CACNA2D2: variants seen among roughly 807,000 people sequenced by gnomAD.
CACNA2D2 encodes the protein voltage-dependent calcium channel subunit alpha-2/delta-2.
CACNA2D2 carries 48 observed loss-of-function variants against 166.4 expected under a neutral mutation model. The ratio of observed to expected loss-of-function variants is 0.29; its 90% CI spans 0.23 to 0.37. The LOEUF is 0.37. CACNA2D2 is among the 10% of genes least tolerant of loss of function. CACNA2D2 has a pLI of 1.00. For missense variants in CACNA2D2, 1,122 were observed against 1,433.0 expected, an observed-to-expected ratio of 0.78 and a Z score of 3.50; for synonymous variants, 561 against 573.7, an observed-to-expected ratio of 0.98 and a Z score of 0.32.
In CACNA2D2 at chr3:50,380,907, AC is replaced by A; in HGVS notation, c.784+87del. 13 of 1,571,300 alleles carry A rather than the reference AC, an allele frequency of 8.3e-6. No individual in the cohort carries two copies. Among genetic ancestry groups the A allele is most frequent in the Non-Finnish European group, 1.1e-5 (13 of 1,154,596 alleles). On this transcript the variant is annotated intron_variant, in intron 7 of 37. Transcript: ENST00000424201. This position sits in a 1 kb window ranked among gnomAD's most constrained non-coding sequence, Gnocchi z 4.9. Reference sequence around the variant, plus strand: ...GGCTGCCACAGACTACAGAGAAGCCACCCCGCCCCATGCCCCCAGGATGGGT... The same window carrying A: ...GGCTGCCACAGACTACAGAGAAGCCACCCGCCCCATGCCCCCAGGATGGGT...
intron 2 of CACNA2D2, among the ~76,000 whole-genome samples, chr3:50,475,223 C>A (rs1316854745): frequency 2.0e-5 from 3 of 152,188 alleles, no homozygotes; most frequent in Admixed American, 2.0e-4. Context: ...CCCTGACCAA[C>A]AGGGACAACA....
At chr3:50,435,842 G>A (rs1220036461) in intron 2 of CACNA2D2, among the ~76,000 whole-genome samples, 4 of 152,232 alleles carry the variant, frequency 2.6e-5, no homozygotes, top group East Asian at 3.9e-4. Context: ...GCTCCTTCCC[G>A]CAGAGTAGTG....
intron 3 of CACNA2D2, among the ~76,000 whole-genome samples, chr3:50,404,801 C>T (rs1706617932): frequency 6.6e-6 from 1 of 152,212 alleles, no homozygotes; most frequent in African/African-American, 2.4e-5. Context: ...GTCCACCTAA[C>T]TTCTTCCCAC....
At chr3:50,464,522 G>A (rs141960668) in intron 2 of CACNA2D2, among the ~76,000 whole-genome samples, 350 of 152,274 alleles carry the variant, frequency 2.3e-3, no homozygotes, top group Non-Finnish European at 3.9e-3. Context: ...AGCCTCCTGG[G>A]AAACCCTGTC....
chr3:50,414,039 C>T (rs1707156667), intron 3 of CACNA2D2, among the ~76,000 whole-genome samples: 1 of 151,924 alleles, frequency 6.6e-6, no homozygotes, highest in Non-Finnish European at 1.5e-5. Flanking sequence ...TGCCCTCTGG[C>T]CATCTGTCTT....
chr3:50,432,101 ATAG>A (rs1173502655), intron 3 of CACNA2D2, among the ~76,000 whole-genome samples: 2 of 152,106 alleles, frequency 1.3e-5, no homozygotes, highest in African/African-American at 4.8e-5. Flanking sequence ...TCTCCCTCAC[ATAG>A]CAGAGTCCAG....
intron 1 of CACNA2D2, among the ~76,000 whole-genome samples, chr3:50,482,205 G>A (rs1040176536): frequency 2.0e-5 from 3 of 152,176 alleles, no homozygotes; most frequent in Admixed American, 1.3e-4. Context: ...CTGAAGCAGG[G>A]CTTGGAACAA....
At chr3:50,418,868 T>A (rs570768306) in intron 3 of CACNA2D2, among the ~76,000 whole-genome samples, 2 of 152,320 alleles carry the variant, frequency 1.3e-5, no homozygotes, top group African/African-American at 4.8e-5. Flanking sequence ...CCTGAGCCTT[T>A]GCGGGTATGG....
intron 1 of CACNA2D2, among the ~76,000 whole-genome samples, chr3:50,495,067 G>A (rs1698669187): frequency 6.6e-6 from 1 of 152,230 alleles, no homozygotes; most frequent in Non-Finnish European, 1.5e-5. Flanking sequence ...TGAGCATTAG[G>A]GATGAGGGCT....
chr3:50,469,425 C>T (rs1709971691), intron 2 of CACNA2D2, among the ~76,000 whole-genome samples: 1 of 152,020 alleles, frequency 6.6e-6, no homozygotes, highest in Non-Finnish European at 1.5e-5. Context: ...GATGAAGGGA[C>T]CAGTTTCTAA....
At chr3:50,456,653 G>A (rs989925883) in intron 2 of CACNA2D2, among the ~76,000 whole-genome samples, 2 of 152,136 alleles carry the variant, frequency 1.3e-5, no homozygotes, top group Admixed American at 6.5e-5. Context: ...CACACACTCT[G>A]CCCTTTCTCA....
intron 2 of CACNA2D2, among the ~76,000 whole-genome samples, chr3:50,474,176 C>A (rs57437470): frequency 6.6e-6 from 1 of 152,188 alleles, no homozygotes; most frequent in South Asian, 2.1e-4. Context: ...ACCTTGGTGA[C>A]TGCTGGGAGG....
intron 2 of CACNA2D2, among the ~76,000 whole-genome samples, chr3:50,472,465 C>A (rs1015043357): frequency 2.0e-5 from 3 of 152,162 alleles, no homozygotes; most frequent in Non-Finnish European, 1.5e-5. Context: ...TCTGGCCAGG[C>A]AGCTCTAGCC....
Position 50,370,408 on chromosome 3 carries a change from C to T in CACNA2D2, c.1985-28G>A, listed in dbSNP as rs587743479. The T allele has an allele frequency of 4.5e-5, 31 of 690,234 alleles. No individual in the cohort carries two copies. In the Admixed American group the frequency reaches 1.1e-3, roughly 23 times the overall value. The allele number at this position is 690,234 out of a possible 1,614,324, so 42.8% of individuals were successfully genotyped here. A position where few individuals can be genotyped will look rare whatever the true frequency, so the allele number is the denominator to read the frequency against. Reference sequence around the variant, plus strand: ...GCAACAGAAACGGGGGGTTATCCGGCGGGGGCTGGGGAGGCTGGAGGCCGG... The same window carrying T: ...GCAACAGAAACGGGGGGTTATCCGGTGGGGGCTGGGGAGGCTGGAGGCCGG... On this transcript the variant is annotated intron_variant, in intron 22 of 37. Coordinates refer to ENST00000424201, the MANE Select transcript of CACNA2D2 (RefSeq NM_006030.4).
In CACNA2D2 at chr3:50,503,464, T is replaced by TGGCGGCGGC. The variant is rs530076217; in HGVS notation, c.-50_-42dup. ...GCGGCGCCGCGGGGAGGGGGGGCAG[T>TGGCGGCGGC]GGCGGCGGCGGCGGCGGCGGCGGGG... On this transcript the variant is annotated 5_prime_UTR_variant, in exon 1 of 38. Coordinates refer to ENST00000424201, the MANE Select transcript of CACNA2D2 (RefSeq NM_006030.4). The TGGCGGCGGC allele has an allele frequency of 9.5e-4, 71 of 74,350 alleles. No homozygotes were observed. The highest frequency in any genetic ancestry group is 3.5e-3 in the African/African-American group (61 of 17,606). 4.6% of individuals were successfully genotyped at this position (74,350 alleles called of 1,614,324 possible).
At position 50,366,417 on chromosome 3, in the gene CACNA2D2, G is replaced by T; in HGVS notation, c.2638-79C>A. The T allele has an allele frequency of 2.0e-6, 3 of 1,516,376 alleles. No individual in the cohort carries two copies. Among genetic ancestry groups the T allele is most frequent in the Non-Finnish European group, 1.8e-6 (2 of 1,091,634 alleles). The allele number at this position is 1,516,376 out of a possible 1,614,324, so 93.9% of individuals were successfully genotyped here. A position where few individuals can be genotyped will look rare whatever the true frequency, so the allele number is the denominator to read the frequency against. Reference sequence around the variant, plus strand: ...CCACCGCAGGCAGTCCAGTGGTTCAGAGTTGGGGGGCATCACTCCCCCAGT... The same window carrying T: ...CCACCGCAGGCAGTCCAGTGGTTCATAGTTGGGGGGCATCACTCCCCCAGT... On this transcript the variant is annotated intron_variant, in intron 30 of 37. Transcript: ENST00000424201. The surrounding 1 kb of genome is among the most constrained non-coding windows in gnomAD (Gnocchi z 5.9).
At chr3:50,475,748 T>G (rs1710281897) in intron 2 of CACNA2D2, among the ~76,000 whole-genome samples, 1 of 152,168 alleles carries the variant, frequency 6.6e-6, no homozygotes. Flanking sequence ...TCCCGTTGTT[T>G]CCTGGATCCC....
intron 2 of CACNA2D2, among the ~76,000 whole-genome samples, chr3:50,474,076 A>ACTT (rs1710209507): frequency 2.0e-5 from 3 of 152,186 alleles, no homozygotes; most frequent in Admixed American, 1.3e-4. Flanking sequence ...CAAGAGGGGA[A>ACTT]GTGGAGCCAC....
chr3:50,369,022 G>T (rs1031317913), intron 23 of CACNA2D2, among the ~76,000 whole-genome samples: 2 of 152,206 alleles, frequency 1.3e-5, no homozygotes, highest in Non-Finnish European at 2.9e-5. Flanking sequence ...TTTTGAACGT[G>T]TGCCACTTCC....
Sources: gnomAD v4.1 joint callset for allele counts (sites outside exome capture counted in the v4.1 genomes callset) on GRCh38, gnomAD v4.1.1 for gene constraint, Gnocchi (gnomAD v3.1) non-coding constraint, MANE v1.5 for transcripts, NCBI Gene and HGNC (gene_info 2026-07-23, HGNC 2026-07-21) for gene names.